The following SLC9A6 variants were observed in gnomAD, a reference collection of about 807,000 sequenced individuals.
SLC9A6 encodes sodium/hydrogen exchanger 6.
Under a neutral mutation model 45.3 loss-of-function variants are expected in SLC9A6, and 6 were observed. That is an observed-to-expected ratio of 0.13 (90% CI 0.07 to 0.26). The LOEUF (loss-of-function observed/expected upper bound fraction) is 0.26. Among genes scored for constraint, SLC9A6 ranks in the 10% least tolerant of loss-of-function variants. The probability of loss-of-function intolerance (pLI) is 1.00; values close to 1 mark genes in which losing one functional copy is unlikely to be tolerated. For missense variants in SLC9A6, 278 were observed against 503.7 expected (o/e 0.55, Z 4.29); for synonymous variants, 191 against 187.7 (o/e 1.02, Z -0.14).
Position 136,044,764 on chromosome X carries a change from ATG to A in SLC9A6, c.*43_*44del. ...ACTTAGTGATTTGTAAAATTTGCAC[ATG>A]TGATTGTGAAGAAATTTGTACTACC... is the stretch of plus-strand genomic sequence containing the variant. On this transcript the variant is annotated 3_prime_UTR_variant, in exon 18 of 18. Coordinates refer to ENST00000630721, the MANE Select transcript of SLC9A6 (RefSeq NM_001379110.1). 8.5e-7 allele frequency: 1 copy of A among 1,176,920 alleles called. No individual in the cohort carries two copies. The highest frequency in any genetic ancestry group is 1.2e-6 in the Non-Finnish European group (1 of 863,749).
chrX:135,999,040 C>G (rs2089544927), intron 6 of SLC9A6, 72 bp downstream of exon 6: 4 of 682,117 alleles, frequency 5.9e-6, no homozygotes, highest in Non-Finnish European at 9.6e-6. Flanking sequence ...GTGGGTTTTT[C>G]TTTCTTTGAG....
At chrX:135,995,769 A>C (rs112436555) in intron 3 of SLC9A6, among the ~76,000 whole-genome samples, 2 of 111,667 alleles carry the variant, frequency 1.8e-5, no homozygotes, top group African/African-American at 6.5e-5. Context: ...TCACAATCTG[A>C]CACAACTTCA....
chrX:136,007,625 T>C (rs1201151706), intron 7 of SLC9A6, among the ~76,000 whole-genome samples: 1 of 111,877 alleles, frequency 8.9e-6, no homozygotes, highest in Non-Finnish European at 1.9e-5. Flanking sequence ...TCCGTTAAGA[T>C]AGTAGTATAC....
intron 7 of SLC9A6, among the ~76,000 whole-genome samples, chrX:136,004,264 T>C (rs2089624272): frequency 9.2e-6 from 1 of 108,606 alleles, no homozygotes; most frequent in Non-Finnish European, 1.9e-5. Context: ...CATTTTTGTA[T>C]ATTTAGTAAA....
chrX:135,991,633 C>T, intron 2 of SLC9A6, among the ~76,000 whole-genome samples: 1 of 111,353 alleles, frequency 9.0e-6, no homozygotes, highest in East Asian at 2.8e-4. Flanking sequence ...CCTGCTACTC[C>T]ACTGAAACTG....
intron 17 of SLC9A6, among the ~76,000 whole-genome samples, chrX:136,041,462 A>T (rs2071509214): frequency 8.9e-6 from 1 of 111,907 alleles, no homozygotes; most frequent in African/African-American, 3.3e-5. Context: ...TTTCTGACAG[A>T]CTGTGCCTGT....
intron 1 of SLC9A6, chrX:135,974,800 C>A (rs530953745): frequency 1.6e-5 from 5 of 311,820 alleles, no homozygotes; most frequent in South Asian, 2.9e-5. Flanking sequence ...GAGAAAGATT[C>A]GCGCAAAAAG....
Position 135,985,703 on chromosome X carries a change from C to T in SLC9A6, c.45C>T (p.His15=). 1 of 1,211,958 alleles carries T rather than the reference C, an allele frequency of 8.3e-7. No individual in the cohort carries two copies. Among genetic ancestry groups the T allele is most frequent in the Non-Finnish European group, 1.1e-6 (1 of 895,518 alleles). The part of the protein sequence containing the change: ...IVSEKQAEES[H]RQDSANLLIF... ...CCGAGAAGCAAGCCGAGGAGAGCCA[C>T]CGGCAGGACAGCGCCAACCTGCTCA... The change falls in exon 2 of 18, where the codon CAC becomes CAT. Residue 15 remains histidine, a synonymous_variant. Transcript: ENST00000630721.
At chrX:136,028,453 C>A (rs1339209431) in intron 13 of SLC9A6, among the ~76,000 whole-genome samples, 43 of 112,256 alleles carry the variant, frequency 3.8e-4, no homozygotes, top group Non-Finnish European at 5.6e-5. Context: ...TAATTCATTT[C>A]TATGCCCTGT....
chrX:136,009,860 C>T (rs373308187), intron 7 of SLC9A6, among the ~76,000 whole-genome samples: 4 of 111,944 alleles, frequency 3.6e-5, no homozygotes, highest in African/African-American at 1.3e-4. Flanking sequence ...ATTCTAATTC[C>T]TTGGGAGGTC....
At chrX:135,986,055 C>T (rs1375599640) in intron 2 of SLC9A6, among the ~76,000 whole-genome samples, 3 of 109,440 alleles carry the variant, frequency 2.7e-5, no homozygotes, top group Non-Finnish European at 5.7e-5. Flanking sequence ...CGCTTCCGAC[C>T]CCACCCCCTT....
chrX:136,017,450 T>C (rs1357899927), intron 11 of SLC9A6, among the ~76,000 whole-genome samples: 10 of 104,745 alleles, frequency 9.5e-5, no homozygotes, highest in African/African-American at 2.4e-4. Flanking sequence ...CAAAAAACAG[T>C]TGGAAGGAAG....
At chrX:135,988,938 A>C (rs1009238231) in intron 2 of SLC9A6, among the ~76,000 whole-genome samples, 1 of 110,554 alleles carries the variant, frequency 9.0e-6, no homozygotes, top group Non-Finnish European at 1.9e-5. Context: ...GAAGTTTTCT[A>C]GTCCTATTTA....
intron 2 of SLC9A6, among the ~76,000 whole-genome samples, chrX:135,994,278 G>T (rs1430556780): frequency 2.7e-5 from 3 of 109,236 alleles, no homozygotes; most frequent in Non-Finnish European, 3.8e-5. Context: ...CTGATTTTTT[G>T]TATCTTAGTA....
chrX:136,011,435 TTTC>T (rs1300226043), intron 8 of SLC9A6, among the ~76,000 whole-genome samples: 8 of 109,327 alleles, frequency 7.3e-5, no homozygotes, highest in Non-Finnish European at 1.5e-4. Context: ...AGAGATGGGG[TTTC>T]ATCATGTCGG....
intron 16 of SLC9A6, 60 bp downstream of exon 16, chrX:136,033,553 A>G (rs2071364594): frequency 4.4e-6 from 3 of 675,210 alleles, no homozygotes; most frequent in East Asian, 4.0e-5. Flanking sequence ...TTACAGTTTA[A>G]TGGAACAAGT....
At chrX:135,990,140 C>G (rs1479529511) in intron 2 of SLC9A6, among the ~76,000 whole-genome samples, 1 of 110,715 alleles carries the variant, frequency 9.0e-6, no homozygotes, top group Non-Finnish European at 1.9e-5. Context: ...TGACCGCCAC[C>G]ACGCCTGGCT....
At chrX:136,011,720 C>A (rs782672342) in intron 8 of SLC9A6, among the ~76,000 whole-genome samples, 1 of 111,735 alleles carries the variant, frequency 8.9e-6, no homozygotes, top group African/African-American at 3.3e-5. Flanking sequence ...GACACTTCAC[C>A]TCTTTGGATC....
intron 2 of SLC9A6, among the ~76,000 whole-genome samples, chrX:135,993,156 T>A (rs1264363815): frequency 2.7e-5 from 3 of 112,117 alleles, no homozygotes; most frequent in African/African-American, 9.7e-5. Context: ...CTTGAAAATA[T>A]GCTAAGTGAA....
Sources: allele counts gnomAD v4.1 joint callset (sites outside exome capture counted in the v4.1 genomes callset), GRCh38; gene constraint gnomAD v4.1.1; transcripts MANE v1.5; gene names NCBI Gene and HGNC (gene_info 2026-07-23, HGNC 2026-07-21).